The following IARS1 variants were observed in gnomAD, a reference collection of about 807,000 sequenced individuals.
IARS1 encodes isoleucyl-tRNA synthetase 1.
IARS1 carries 124 observed loss-of-function variants against 168.2 expected under a neutral mutation model. The observed-to-expected ratio is 0.74, with a 90% CI of 0.64 to 0.86. The LOEUF is 0.86. IARS1 is among the 40% of genes least tolerant of loss of function. The pLI is 0.00. For synonymous variants in IARS1, 532 were observed against 529.4 expected (o/e 1.00, Z -0.07); for missense variants, 1,452 against 1,515.8 (o/e 0.96, Z 0.70).
intron 26 of IARS1, among the ~76,000 whole-genome samples, chr9:92,246,110 G>A (rs532344942): frequency 1.1e-3 from 168 of 152,230 alleles, no homozygotes; most frequent in African/African-American, 3.8e-3. Flanking sequence ...GCTATCTGGC[G>A]AACAATTTAG....
At position 92,263,071 on chromosome 9, in the gene IARS1, A is replaced by AT; in HGVS notation, c.1701-17_1701-16insA. ...GGTATAAAACCTGAAAAAAAACCCC[A>AT]AACAGTTCAATAAAAATAGAAATGA... On this transcript the variant is annotated splice_polypyrimidine_tract_variant and intron_variant, in intron 16 of 33. Transcript: ENST00000443024. The AT allele has an allele frequency of 6.4e-7, 1 of 1,563,926 alleles. No homozygotes were observed. The highest frequency in any genetic ancestry group is 1.7e-5 in the Admixed American group (1 of 59,384).
chr9:92,287,845 T>C lies in IARS1; in HGVS notation c.342A>G (p.Thr114=). The change falls in exon 4 of 34, where the codon ACA becomes ACG. Residue 114 remains threonine (T), a synonymous_variant. Coordinates refer to ENST00000443024, the MANE Select transcript of IARS1 (RefSeq NM_002161.6). ...TTGCTCGGCACTGATTGTTATACTC[T>C]GTAATCCCCATTTTGGCCACATCCT... The part of the protein sequence containing the change: ...GPEDVAKMGI[T]EYNNQCRAIV... 1 of 1,614,000 alleles carries C rather than the reference T, an allele frequency of 6.2e-7. No homozygotes were observed. Among genetic ancestry groups the C allele is most frequent in the South Asian group, 1.1e-5 (1 of 91,068 alleles).
At chr9:92,283,395 G>A (rs1052293851) in intron 6 of IARS1, among the ~76,000 whole-genome samples, 2 of 152,192 alleles carry the variant, frequency 1.3e-5, no homozygotes, top group African/African-American at 2.4e-5. Context: ...AAAAATACCC[G>A]CACTTTGGGA....
At chr9:92,226,163 C>A (rs570784010) in intron 31 of IARS1, among the ~76,000 whole-genome samples, 1 of 152,332 alleles carries the variant, frequency 6.6e-6, no homozygotes, top group South Asian at 2.1e-4. Flanking sequence ...AACTTGCTAC[C>A]TTCTTGTAGA....
chr9:92,237,931 A>T (rs1827780755), intron 30 of IARS1, among the ~76,000 whole-genome samples: 1 of 152,086 alleles, frequency 6.6e-6, no homozygotes, highest in Admixed American at 6.5e-5. Flanking sequence ...TTTGAGACAG[A>T]GTCTCGCTCT....
intron 6 of IARS1, among the ~76,000 whole-genome samples, chr9:92,282,172 C>T (rs1239193596): frequency 6.6e-6 from 1 of 152,090 alleles, no homozygotes; most frequent in African/African-American, 2.4e-5. Context: ...GGGTACTGTG[C>T]CCCACTCCCA....
intron 9 of IARS1, among the ~76,000 whole-genome samples, chr9:92,275,547 C>T (rs988907371): frequency 2.0e-5 from 3 of 152,256 alleles, no homozygotes; most frequent in Admixed American, 6.5e-5. Context: ...GCTAAAACTT[C>T]GATAGTTTAA....
At chr9:92,278,681 T>C (rs1018430207) in intron 7 of IARS1, among the ~76,000 whole-genome samples, 12 of 152,208 alleles carry the variant, frequency 7.9e-5, no homozygotes, top group Non-Finnish European at 1.6e-4. Flanking sequence ...TTTTTCTATG[T>C]ATATACAAAC....
chr9:92,276,971 T>G (rs1833860232), intron 9 of IARS1, among the ~76,000 whole-genome samples: 1 of 152,216 alleles, frequency 6.6e-6, no homozygotes, highest in Non-Finnish European at 1.5e-5. Context: ...TTAAAACACC[T>G]GCCTCATTAA....
At position 92,243,255 on chromosome 9, in the gene IARS1, A is replaced by G. The variant is rs2230405; in HGVS notation, c.2961T>C (p.Ala987=). 4 of 1,613,726 alleles carry G rather than the reference A, an allele frequency of 2.5e-6. No individual in the cohort carries two copies. In the South Asian group the frequency reaches 4.4e-5, roughly 18 times the overall value. The change falls in exon 28 of 34, where the codon GCT becomes GCC. Residue 987 remains alanine (A), a synonymous_variant. Transcript: ENST00000443024. The part of the protein sequence containing the change: ...PDQSMVDEGM[A]REVINRIQKL... ...TCTGTATGCGATTGATGACTTCCCGAGCCATTCCTTCATCTACCATTGACT... is the reference window on the plus strand; with the variant it reads ...TCTGTATGCGATTGATGACTTCCCGGGCCATTCCTTCATCTACCATTGACT...
chr9:92,273,622 C>T (rs186474239), intron 10 of IARS1, among the ~76,000 whole-genome samples: 52 of 152,324 alleles, frequency 3.4e-4, no homozygotes, highest in Admixed American at 5.9e-4. Context: ...GATGGTTACA[C>T]TAAAAGCCCA....
chr9:92,219,388 C>T (rs1331653111), intron 33 of IARS1, among the ~76,000 whole-genome samples: 1 of 150,952 alleles, frequency 6.6e-6, no homozygotes, highest in Non-Finnish European at 1.5e-5. Flanking sequence ...ACACCAAAAG[C>T]AATGGCAACA....
chr9:92,216,991 C>T (rs1391532780), intron 33 of IARS1, among the ~76,000 whole-genome samples: 2 of 150,932 alleles, frequency 1.3e-5, no homozygotes, highest in Non-Finnish European at 3.0e-5. Context: ...CACCACACCA[C>T]ACCTATTCCA....
At chr9:92,280,719 A>C (rs770557718) in intron 7 of IARS1, 27 bp downstream of exon 7, 2 of 1,521,386 alleles carry the variant, frequency 1.3e-6, no homozygotes, top group East Asian at 4.6e-5. Flanking sequence ...ATCCATATTA[A>C]TCATAAGTAA....
Position 92,242,343 on chromosome 9 carries a change from A to G in IARS1, c.3001-13T>C. The G allele has an allele frequency of 6.2e-7, 1 of 1,602,690 alleles. No individual in the cohort carries two copies. On this transcript the variant is annotated splice_polypyrimidine_tract_variant and intron_variant, in intron 28 of 33. Transcript: ENST00000443024. ...GAACCAGATTGCACTGAAAACACACACAGAAAAATTTAAAAGGGAAGTACA... is the reference window on the plus strand; with the variant it reads ...GAACCAGATTGCACTGAAAACACACGCAGAAAAATTTAAAAGGGAAGTACA...
At chr9:92,265,594 C>G in intron 14 of IARS1, 41 bp from the exon 15 acceptor site, 1 of 1,413,010 alleles carries the variant, frequency 7.1e-7, no homozygotes, top group Non-Finnish European at 1.0e-6. Context: ...TCCTTAGAGC[C>G]AAACAGAGCA....
intron 28 of IARS1, chr9:92,243,006 G>A: frequency 4.3e-6 from 2 of 469,974 alleles, no homozygotes; most frequent in South Asian, 4.2e-5. Flanking sequence ...AAAAGGCACA[G>A]GCTGGCTGAA....
Position 92,293,657 on chromosome 9 carries a change from A to G in IARS1, c.-54T>C, listed in dbSNP as rs1454193715. The G allele has an allele frequency of 2.4e-5, 7 of 287,078 alleles. No individual in the cohort carries two copies. Among genetic ancestry groups the G allele is most frequent in the East Asian group, 8.9e-5 (1 of 11,248 alleles). The allele number at this position is 287,078 out of a possible 1,614,324, so 17.8% of individuals were successfully genotyped here. A position where few individuals can be genotyped will look rare whatever the true frequency, so the allele number is the denominator to read the frequency against. On this transcript the variant is annotated 5_prime_UTR_variant, in exon 1 of 34. It removes the in-frame stop codon of an upstream open reading frame in the 5' UTR. Transcript: ENST00000443024. ...GACAGCCCCGCGGGCCAGCAAGCCT[A>G]AAAGCAACTCATCCGGCGTCCACGC...
In IARS1 at chr9:92,240,874, C is replaced by A. The variant is rs779411972; in HGVS notation, c.3265G>T (p.Ala1089Ser). Reference sequence around the variant, plus strand: ...CTCTTACCTTGTTCACTGCCATTTGCACAAATGTTAAGATTGACATATGCA... The same window carrying A: ...CTCTTACCTTGTTCACTGCCATTTGAACAAATGTTAAGATTGACATATGCA... Reference protein sequence around the residue: ...ACAYVNLNICANGSEQGGVLL... With the variant: ...ACAYVNLNICSNGSEQGGVLL... The change falls in exon 30 of 34, where the codon GCA (alanine) becomes TCA (serine). Residue 1089 changes from alanine to serine, a missense_variant. Transcript: ENST00000443024. 3.1e-6 allele frequency: 5 copies of A among 1,609,502 alleles called. No homozygotes were observed. In the South Asian group the frequency reaches 5.5e-5, roughly 18 times the overall value.
Sources: gnomAD v4.1 joint callset for allele counts (sites outside exome capture counted in the v4.1 genomes callset) on GRCh38, gnomAD v4.1.1 for gene constraint, MANE v1.5 for transcripts, NCBI Gene and HGNC (gene_info 2026-07-23, HGNC 2026-07-21) for gene names.